APC: variants seen among roughly 807,000 people sequenced by gnomAD.
APC encodes adenomatous polyposis coli protein.
Under a neutral mutation model 247.0 loss-of-function variants are expected in APC, and 72 were observed. The ratio of observed to expected loss-of-function variants is 0.29; its 90% CI spans 0.24 to 0.35. The LOEUF (loss-of-function observed/expected upper bound fraction) is 0.35. APC is among the 10% of genes least tolerant of loss of function. The probability of loss-of-function intolerance (pLI) is 1.00; values close to 1 mark genes in which losing one functional copy is unlikely to be tolerated. For missense variants in APC, 3,400 were observed against 3,360.7 expected, an observed-to-expected ratio of 1.01 and a Z score of -0.29; for synonymous variants, 1,254 against 1,162.5, an observed-to-expected ratio of 1.08 and a Z score of -1.60.
At chr5:112,746,982 A>C (rs1427254319) in intron 1 of APC, among the ~76,000 whole-genome samples, 1 of 152,184 alleles carries the variant, frequency 6.6e-6, no homozygotes, top group East Asian at 1.9e-4. Flanking sequence ...TAGCTTTTAT[A>C]TATACTAGCA....
At chr5:112,741,294 G>A (rs1229410355) in intron 1 of APC, among the ~76,000 whole-genome samples, 3 of 152,124 alleles carry the variant, frequency 2.0e-5, no homozygotes, top group African/African-American at 7.2e-5. Flanking sequence ...GAAGAATATG[G>A]TGGATTGCTG....
Position 112,838,889 on chromosome 5 carries a change from G to A in APC, c.3295G>A (p.Val1099Ile), listed in dbSNP as rs730881245. ...FQPHFGQQECVSPYRSRGANG... is the reference protein window; with the variant it reads ...FQPHFGQQECISPYRSRGANG... ...ACCACATTTTGGACAGCAGGAATGT[G>A]TTTCTCCATACAGGTCACGGGGAGC... The change falls in exon 16 of 16, where the codon GTT (valine) becomes ATT (isoleucine). Residue 1099 changes from valine to isoleucine, a missense_variant. Val to Ile is a conservative substitution (Grantham distance 29). Transcript: ENST00000257430. The A allele has an allele frequency of 1.2e-5, 20 of 1,614,022 alleles. No homozygotes were observed. Among genetic ancestry groups the A allele is most frequent in the Non-Finnish European group, 1.4e-5 (16 of 1,180,042 alleles).
At chr5:112,825,779 A>C (rs1301900343) in intron 11 of APC, among the ~76,000 whole-genome samples, 1 of 152,194 alleles carries the variant, frequency 6.6e-6, no homozygotes, top group Non-Finnish European at 1.5e-5. Flanking sequence ...TTTCTTATGG[A>C]GCCTAATCCC....
rs1017619026 is a variant in APC at position 112,745,734 on chromosome 5, A to G, written c.-19+7809A>G. On this transcript the variant is annotated intron_variant, in intron 1 of 15. Coordinates refer to ENST00000257430, the MANE Select transcript of APC (RefSeq NM_000038.6). ...AGGCGGGTGCCACCACGCCCAGCTA[A>G]TTTTTGTATTGTTAGTAGAGACAGG... Among the ~76,000 whole-genome samples the G allele has an allele frequency of 5.3e-5, 8 of 151,504 alleles. No homozygotes were observed. In the East Asian group the frequency reaches 1.6e-3, roughly 29 times the overall value.
In APC at chr5:112,748,858, A is replaced by G. The variant is rs78877941; in HGVS notation, c.-18-6015A>G. ...ATGAGGTTTACAAAATTAGCTGGGC[A>G]TGTTGGCTTGTGTCTGTAGTCCCAG... On this transcript the variant is annotated intron_variant, in intron 1 of 15. Transcript: ENST00000257430. Among the ~76,000 whole-genome samples, 50 of 152,266 alleles carry G rather than the reference A, an allele frequency of 3.3e-4. No homozygotes were observed. In the East Asian group the frequency reaches 9.5e-3, roughly 29 times the overall value.
intron 9 of APC, among the ~76,000 whole-genome samples, chr5:112,817,106 G>A (rs1266703280): frequency 6.6e-6 from 1 of 152,052 alleles, no homozygotes; most frequent in Non-Finnish European, 1.5e-5. Flanking sequence ...CTGATCTCAG[G>A]TGATGCGCTC....
At chr5:112,827,401 A>C (rs182889662) in intron 12 of APC, among the ~76,000 whole-genome samples, 154 bp downstream of exon 12, 1 of 152,142 alleles carries the variant, frequency 6.6e-6, no homozygotes, top group Non-Finnish European at 1.5e-5. Flanking sequence ...ATCTTTACTC[A>C]TTTGTTTGTC....
At chr5:112,834,068 A>C (rs1340636295) in intron 14 of APC, among the ~76,000 whole-genome samples, 1 of 151,734 alleles carries the variant, frequency 6.6e-6, no homozygotes, top group East Asian at 1.9e-4. Flanking sequence ...CCTCCCAAGC[A>C]GCTGTGACTG....
At chr5:112,721,821 T>C (rs968375595) in intron 1 of APC, among the ~76,000 whole-genome samples, 1 of 152,154 alleles carries the variant, frequency 6.6e-6, no homozygotes, top group Non-Finnish European at 1.5e-5. Flanking sequence ...TTGGCAAATT[T>C]TATGTCTTGG....
chr5:112,726,261 T>C (rs765039619), intron 1 of APC, among the ~76,000 whole-genome samples: 2 of 152,214 alleles, frequency 1.3e-5, no homozygotes, highest in Non-Finnish European at 2.9e-5. Flanking sequence ...TCCAGGAAGA[T>C]TCAGGTTGTA....
At chr5:112,737,563 G>A (rs1752473387), upstream of APC, among the ~76,000 whole-genome samples, 3 of 152,204 alleles carry the variant, frequency 2.0e-5, no homozygotes, top group South Asian at 6.2e-4. Context: ...GGCATCTTGT[G>A]CTAATCCTTC....
At chr5:112,771,476 T>G (rs191484871) in intron 4 of APC, among the ~76,000 whole-genome samples, 3 of 152,336 alleles carry the variant, frequency 2.0e-5, no homozygotes, top group Admixed American at 6.5e-5. Context: ...TGGAGAGAGA[T>G]AAATTGATTT....
chr5:112,844,354 G>C lies in APC; in HGVS notation c.*228G>C. On this transcript the variant is annotated 3_prime_UTR_variant, in exon 16 of 16. Coordinates refer to ENST00000257430, the MANE Select transcript of APC (RefSeq NM_000038.6). ...GGAAAAAAATAGTAAAGCCAAGTATGTTTGTACAGTATGTTTTACATGTAT... is the reference window on the plus strand; with the variant it reads ...GGAAAAAAATAGTAAAGCCAAGTATCTTTGTACAGTATGTTTTACATGTAT... The C allele has an allele frequency of 1.8e-6, 1 of 543,132 alleles. No homozygotes were observed. The highest frequency in any genetic ancestry group is 3.2e-6 in the Non-Finnish European group (1 of 309,232). The allele number at this position is 543,132 out of a possible 1,614,324, so 33.6% of individuals were successfully genotyped here.
chr5:112,821,226 C>G, intron 10 of APC, among the ~76,000 whole-genome samples: 1 of 152,004 alleles, frequency 6.6e-6, no homozygotes, highest in Non-Finnish European at 1.5e-5. Flanking sequence ...ATAAACTGGG[C>G]TAAGCACGGT....
At chr5:112,771,301 G>A (rs1757018963) in intron 4 of APC, among the ~76,000 whole-genome samples, 1 of 151,974 alleles carries the variant, frequency 6.6e-6, no homozygotes, top group South Asian at 2.1e-4. Flanking sequence ...TGAGGATCTA[G>A]TTTCATTTTA....
chr5:112,766,542 C>T, intron 3 of APC, 132 bp downstream of exon 3: 1 of 640,940 alleles, frequency 1.6e-6, no homozygotes, highest in Non-Finnish European at 2.8e-6. Context: ...GCCTTACCCT[C>T]AGGATGTAAT....
At chr5:112,717,569 G>T (rs1581018608) in intron 1 of APC, among the ~76,000 whole-genome samples, 2 of 152,084 alleles carry the variant, frequency 1.3e-5, no homozygotes, top group East Asian at 3.9e-4. Flanking sequence ...AGAATTCTAG[G>T]TTAGCAGTGG....
chr5:112,763,913 A>G (rs1755955457), intron 2 of APC, among the ~76,000 whole-genome samples: 1 of 152,128 alleles, frequency 6.6e-6, no homozygotes, highest in African/African-American at 2.4e-5. Flanking sequence ...TGAGAACACT[A>G]CTGTAGGCTT....
At position 112,837,751 on chromosome 5, in the gene APC, T is replaced by C. The variant is rs2149861938; in HGVS notation, c.2157T>C (p.Ala719=). 6.2e-7 allele frequency: 1 copy of C among 1,614,116 alleles called. No individual in the cohort carries two copies. Among genetic ancestry groups the C allele is most frequent in the Non-Finnish European group, 8.5e-7 (1 of 1,180,030 alleles). Residue 719 remains alanine, a synonymous_variant, in exon 16 of 16, where the codon GCT becomes GCC. Coordinates refer to ENST00000257430, the MANE Select transcript of APC (RefSeq NM_000038.6). ...NLIHSKHKMI[A]MGSAAALRNL... ...TTCATTCAAAGCACAAAATGATTGCTATGGGAAGTGCTGCAGCTTTAAGGA... is the reference window on the plus strand; with the variant it reads ...TTCATTCAAAGCACAAAATGATTGCCATGGGAAGTGCTGCAGCTTTAAGGA...
Sources: gnomAD v4.1 joint callset for allele counts (sites outside exome capture counted in the v4.1 genomes callset) on GRCh38, gnomAD v4.1.1 for gene constraint, MANE v1.5 for transcripts, NCBI Gene and HGNC (gene_info 2026-07-23, HGNC 2026-07-21) for gene names.